The following ADAM22 variants were observed in gnomAD, a reference collection of about 807,000 sequenced individuals.
ADAM22 encodes disintegrin and metalloproteinase domain-containing protein 22.
In ADAM22, 65 loss-of-function variants were observed where a neutral mutation model predicts 144.6. The ratio of observed to expected loss-of-function variants is 0.45; its 90% CI spans 0.37 to 0.55. The LOEUF (loss-of-function observed/expected upper bound fraction) is 0.55, where lower values mean the gene tolerates loss of function less well. Ranked by LOEUF, ADAM22 falls within the 20% of genes least tolerant of loss-of-function variation. ADAM22 has a pLI of 0.00. For synonymous variants in ADAM22, 391 were observed against 412.6 expected (o/e 0.95, Z 0.63); for missense variants, 974 against 1,184.9 (o/e 0.82, Z 2.61).
At chr7:87,994,788 T>C (rs1267558916) in intron 3 of ADAM22, among the ~76,000 whole-genome samples, 1 of 152,172 alleles carries the variant, frequency 6.6e-6, no homozygotes, top group Non-Finnish European at 1.5e-5. Flanking sequence ...TCTTCTTCAA[T>C]GCCCATGTGG....
At chr7:88,107,931 T>A (rs1159774545) in intron 4 of ADAM22, among the ~76,000 whole-genome samples, 1 of 152,198 alleles carries the variant, frequency 6.6e-6, no homozygotes, top group Non-Finnish European at 1.5e-5. Context: ...GTTCCTCTAA[T>A]ATCACCTACA....
chr7:88,171,392 G>A, intron 25 of ADAM22, 152 bp from the exon 26 acceptor site: 1 of 605,290 alleles, frequency 1.7e-6, no homozygotes, highest in Non-Finnish European at 2.8e-6. Flanking sequence ...TTTTGTGTGT[G>A]CATTCCCATT....
chr7:88,019,070 C>CAA lies in ADAM22; in HGVS notation c.323+40669_323+40670dup, dbSNP rs3216246. ...TATAAAAATGTGTGAACTACTAAAC[C>CAA]AAAAAAAAAAAAGTTTAGCTTCAAA... On this transcript the variant is annotated intron_variant, in intron 3 of 31. Coordinates refer to ENST00000413139, the MANE Select transcript of ADAM22 (RefSeq NM_001324418.2). 5.0e-3 allele frequency among the ~76,000 whole-genome samples: 710 copies of CAA among 142,242 alleles called. 8 individuals are homozygous for CAA. Among genetic ancestry groups the CAA allele is most frequent in the African/African-American group, 0.017 (681 of 39,356 alleles). The allele number at this position is 142,242 out of a possible 152,430, so 93.3% of individuals were successfully genotyped here. A position where few individuals can be genotyped will look rare whatever the true frequency, so the allele number is the denominator to read the frequency against.
At chr7:88,060,106 C>T (rs1486942677) in intron 3 of ADAM22, among the ~76,000 whole-genome samples, 1 of 152,112 alleles carries the variant, frequency 6.6e-6, no homozygotes. Context: ...AAATACTTTA[C>T]TGCTAAAAAT....
chr7:87,958,200 A>G (rs1283698993), intron 2 of ADAM22, among the ~76,000 whole-genome samples: 2 of 152,106 alleles, frequency 1.3e-5, no homozygotes, highest in Non-Finnish European at 2.9e-5. Flanking sequence ...TCTATGGAGT[A>G]TATATTTGGA....
intron 23 of ADAM22, among the ~76,000 whole-genome samples, chr7:88,163,469 A>G (rs1842242530): frequency 6.6e-6 from 1 of 152,076 alleles, no homozygotes; most frequent in South Asian, 2.1e-4. Flanking sequence ...GTGAACTAGG[A>G]GATAAATTTT....
intron 3 of ADAM22, among the ~76,000 whole-genome samples, chr7:88,039,412 A>C (rs1382631351): frequency 7.2e-6 from 1 of 139,348 alleles, no homozygotes; most frequent in Non-Finnish European, 1.6e-5. Context: ...ACTGCACTCC[A>C]GCCTGGGCAA....
chr7:88,015,181 A>G (rs942897773), intron 3 of ADAM22, among the ~76,000 whole-genome samples: 1 of 152,208 alleles, frequency 6.6e-6, no homozygotes, highest in African/African-American at 2.4e-5. Flanking sequence ...TTTAACAACC[A>G]TTTAAGAAGC....
At chr7:87,984,551 G>A (rs2129450179) in intron 3 of ADAM22, among the ~76,000 whole-genome samples, 1 of 152,150 alleles carries the variant, frequency 6.6e-6, no homozygotes, top group African/African-American at 2.4e-5. Context: ...CACACCATGG[G>A]GTGTTTTACC....
chr7:87,996,831 C>A (rs1330984640), intron 3 of ADAM22, among the ~76,000 whole-genome samples: 1 of 152,190 alleles, frequency 6.6e-6, no homozygotes, highest in Non-Finnish European at 1.5e-5. Context: ...TGATCTTGGG[C>A]AAGTCAGTTA....
chr7:88,012,804 T>G (rs1486363087), intron 3 of ADAM22, among the ~76,000 whole-genome samples: 1 of 152,220 alleles, frequency 6.6e-6, no homozygotes, highest in African/African-American at 2.4e-5. Flanking sequence ...CTCACTCCCT[T>G]TGCTGAGACT....
chr7:88,081,423 AC>A (rs1165766235), intron 4 of ADAM22, among the ~76,000 whole-genome samples: 1 of 152,198 alleles, frequency 6.6e-6, no homozygotes, highest in African/African-American at 2.4e-5. Flanking sequence ...CCCTTTGAAA[AC>A]CGGCACAAGA....
intron 3 of ADAM22, among the ~76,000 whole-genome samples, chr7:88,044,648 G>T (rs1004843635): frequency 4.0e-5 from 6 of 151,816 alleles, no homozygotes; most frequent in Admixed American, 6.6e-5. Flanking sequence ...GGGTTTCATT[G>T]TGTTAGCCAG....
intron 4 of ADAM22, among the ~76,000 whole-genome samples, chr7:88,103,170 G>A (rs547596293): frequency 6.6e-6 from 1 of 152,248 alleles, no homozygotes; most frequent in East Asian, 1.9e-4. Flanking sequence ...GCCCATTTTA[G>A]AGCTGTCAAA....
chr7:88,162,868 G>C, intron 22 of ADAM22, 144 bp from the exon 23 acceptor site: 1 of 711,078 alleles, frequency 1.4e-6, no homozygotes, highest in South Asian at 2.1e-5. Context: ...CTTTCTCTGA[G>C]ATTGAACTGG....
chr7:87,940,244 A>C (rs1842218750), intron 2 of ADAM22, among the ~76,000 whole-genome samples: 2 of 151,712 alleles, frequency 1.3e-5, no homozygotes, highest in South Asian at 4.1e-4. Flanking sequence ...GATTACCCTG[A>C]TCTGATCAGT....
intron 3 of ADAM22, among the ~76,000 whole-genome samples, chr7:87,996,303 G>A (rs1426803431): frequency 1.3e-5 from 2 of 152,200 alleles, no homozygotes; most frequent in South Asian, 2.1e-4. Flanking sequence ...CTTAAAAACA[G>A]AAATGTATTC....
At chr7:87,996,610 C>G (rs1298510037) in intron 3 of ADAM22, among the ~76,000 whole-genome samples, 1 of 152,216 alleles carries the variant, frequency 6.6e-6, no homozygotes, top group Non-Finnish European at 1.5e-5. Context: ...ATTATTGGGA[C>G]ATGCAGCCTG....
chr7:87,957,992 A>T (rs890437918), intron 2 of ADAM22, among the ~76,000 whole-genome samples: 1 of 152,146 alleles, frequency 6.6e-6, no homozygotes, highest in African/African-American at 2.4e-5. Flanking sequence ...CCCCTCCTCA[A>T]AATTAAATTT....
Sources: gnomAD v4.1 joint callset for allele counts (sites outside exome capture counted in the v4.1 genomes callset) on GRCh38, gnomAD v4.1.1 for gene constraint, MANE v1.5 for transcripts, NCBI Gene and HGNC (gene_info 2026-07-23, HGNC 2026-07-21) for gene names.